The following DIAPH1 variants were observed in gnomAD, a reference collection of about 807,000 sequenced individuals.
The protein encoded by DIAPH1 is protein diaphanous homolog 1.
A neutral mutation model predicts 140.7 loss-of-function variants in DIAPH1; 46 were observed. The observed-to-expected ratio is 0.33, with a 90% CI of 0.26 to 0.42. The LOEUF is 0.42. Ranked by LOEUF, DIAPH1 falls within the 10% of genes least tolerant of loss-of-function variation. DIAPH1 has a pLI of 1.00. For missense variants in DIAPH1, 1,310 were observed against 1,558.7 expected, an observed-to-expected ratio of 0.84 and a Z score of 2.69; for synonymous variants, 565 against 551.6, an observed-to-expected ratio of 1.02 and a Z score of -0.34.
Position 141,573,495 on chromosome 5 carries a change from G to A in DIAPH1, c.2355C>T (p.Ser785=). Residue 785 remains serine, a synonymous_variant, in exon 16 of 28, where the codon TCC becomes TCT. Transcript: ENST00000389054. ...AGAAATAGACAGAAACTCTTACCTT[G>A]GACCAGTTTGGCCTCCGGAGCTGCA... ...PEVQLRRPNW[S]KLVAEDLSQD... 6.2e-7 allele frequency: 1 copy of A among 1,607,842 alleles called. No homozygotes were observed.
intron 18 of DIAPH1, among the ~76,000 whole-genome samples, chr5:141,570,731 GGAA>G (rs2099895062): frequency 6.6e-6 from 1 of 152,076 alleles, no homozygotes; most frequent in Admixed American, 6.5e-5. Context: ...CAAAAATGCT[GGAA>G]GAAGATAAAA....
intron 18 of DIAPH1, among the ~76,000 whole-genome samples, chr5:141,539,630 G>C (rs181675604): frequency 1.3e-5 from 2 of 152,056 alleles, no homozygotes; most frequent in East Asian, 3.9e-4. Context: ...GATCTATTCA[G>C]ATTGTTTATT....
chr5:141,519,081 A>G (rs1054181992), intron 27 of DIAPH1: 1 of 1,268,878 alleles, frequency 7.9e-7, no homozygotes. Context: ...TGTGCCCGAG[A>G]CTGTGGGATT....
At chr5:141,553,728 T>TA (rs1320321802) in intron 18 of DIAPH1, among the ~76,000 whole-genome samples, 2 of 152,052 alleles carry the variant, frequency 1.3e-5, no homozygotes, top group Admixed American at 6.5e-5. Context: ...AGTACCTATT[T>TA]AAAAAAATTA....
intron 3 of DIAPH1, among the ~76,000 whole-genome samples, chr5:141,584,602 G>C (rs2099897248): frequency 6.6e-6 from 1 of 152,116 alleles, no homozygotes; most frequent in South Asian, 2.1e-4. Context: ...CTAAACACAA[G>C]CAAAATCAAC....
chr5:141,516,363 G>A lies in DIAPH1; in HGVS notation c.*488C>T, dbSNP rs1484855208. 1 of 191,072 alleles carries A rather than the reference G, an allele frequency of 5.2e-6. No individual in the cohort carries two copies. Among genetic ancestry groups the A allele is most frequent in the Non-Finnish European group, 1.1e-5 (1 of 90,076 alleles). 11.8% of individuals were successfully genotyped at this position (191,072 alleles called of 1,614,324 possible). A position where few individuals can be genotyped will look rare whatever the true frequency, so the allele number is the denominator to read the frequency against. On this transcript the variant is annotated 3_prime_UTR_variant, in exon 28 of 28. Transcript: ENST00000389054. ...AATAAATAACCACAGCCAGGAGAGG[G>A]AAGAGCAGAGACAACAGCAATGAAA...
chr5:141,518,417 A>C (rs935752137), intron 27 of DIAPH1, among the ~76,000 whole-genome samples: 4 of 151,610 alleles, frequency 2.6e-5, no homozygotes, highest in Middle Eastern at 3.2e-3. Flanking sequence ...AGAGCCGAGC[A>C]CTCCTAAATA....
rs143790898 is a variant in DIAPH1 at position 141,574,818 on chromosome 5, C to T, written c.1641+149G>A. 4.1e-3 allele frequency: 3,392 copies of T among 826,596 alleles called. 25 individuals are homozygous for T. The highest frequency in any genetic ancestry group is 9.3e-3 in the Admixed American group (396 of 42,604). The allele number at this position is 826,596 out of a possible 1,614,324, so 51.2% of individuals were successfully genotyped here. A position where few individuals can be genotyped will look rare whatever the true frequency, so the allele number is the denominator to read the frequency against. ...ACTTACCCCCAACACAAACCAAAAA[C>T]CAGTATATTATTTTTAAAATATGCA... is the stretch of plus-strand genomic sequence containing the variant. On this transcript the variant is annotated intron_variant, in intron 15 of 27. Transcript: ENST00000389054.
chr5:141,524,018 G>T, intron 27 of DIAPH1, 125 bp downstream of exon 27: 1 of 864,876 alleles, frequency 1.2e-6, no homozygotes, highest in Non-Finnish European at 2.0e-6. Flanking sequence ...TAGATAATCC[G>T]TTCTGGATGC....
chr5:141,554,857 T>C (rs1004841193), intron 18 of DIAPH1, among the ~76,000 whole-genome samples: 4 of 152,182 alleles, frequency 2.6e-5, no homozygotes, highest in African/African-American at 9.6e-5. Context: ...TCAGAATAAA[T>C]AGTCTTAGCA....
At chr5:141,527,805 C>G (rs756402887) in intron 23 of DIAPH1, 108 bp from the exon 24 acceptor site, 12 of 1,309,194 alleles carry the variant, frequency 9.2e-6, no homozygotes, top group Non-Finnish European at 1.2e-5. Flanking sequence ...TAGCTTCAGT[C>G]TATACACACA....
rs1373486471 is a variant in DIAPH1, at chr5:141,528,771, A to T, written c.2949T>A (p.Val983=). 1.9e-6 allele frequency: 3 copies of T among 1,614,228 alleles called. No individual in the cohort carries two copies. Among genetic ancestry groups the T allele is most frequent in the Non-Finnish European group, 1.7e-6 (2 of 1,180,034 alleles). The stretch of plus-strand genomic sequence containing the variant: ...TGGAGCCAGCATTCATGTAATTTCC[A>T]ACAAGCAAGGTAATCTCTAGGAGAT... ...FSNLLEITLL[V]GNYMNAGSRN... Residue 983 remains valine (V), a synonymous_variant, in exon 22 of 28, where the codon GTT becomes GTA. Coordinates refer to ENST00000389054, the MANE Select transcript of DIAPH1 (RefSeq NM_005219.5).
At chr5:141,560,189 CTT>C (rs572605009) in intron 18 of DIAPH1, among the ~76,000 whole-genome samples, 2 of 152,156 alleles carry the variant, frequency 1.3e-5, no homozygotes, top group Non-Finnish European at 2.9e-5. Flanking sequence ...AAAATTCCCT[CTT>C]AATCTATATG....
chr5:141,598,619 T>C (rs2154597023), intron 1 of DIAPH1, among the ~76,000 whole-genome samples: 2 of 152,286 alleles, frequency 1.3e-5, no homozygotes, highest in East Asian at 1.9e-4. Flanking sequence ...CCTAATGTAA[T>C]ATGTGGTAAG....
chr5:141,523,778 C>T (rs1157858605), intron 27 of DIAPH1, among the ~76,000 whole-genome samples: 1 of 151,252 alleles, frequency 6.6e-6, no homozygotes. Context: ...CTTATTTTTT[C>T]TTTGAATTTC....
rs146865700 is a variant in DIAPH1, at chr5:141,605,191, C to T, written c.117+13607G>A. Among the ~76,000 whole-genome samples the T allele has an allele frequency of 4.9e-3, 749 of 152,094 alleles. 4 individuals are homozygous for T. Among genetic ancestry groups the T allele is most frequent in the African/African-American group, 0.017 (690 of 41,500 alleles). ...GAAAAAAACTATCACTTTTAGAATACACATACATTTCCATTTCAAATTAAG... is the reference window on the plus strand; with the variant it reads ...GAAAAAAACTATCACTTTTAGAATATACATACATTTCCATTTCAAATTAAG... On this transcript the variant is annotated intron_variant, in intron 1 of 27. Coordinates refer to ENST00000389054, the MANE Select transcript of DIAPH1 (RefSeq NM_005219.5).
rs2099896305 is a variant in DIAPH1 at position 141,578,681 on chromosome 5, C to T, written c.934-56G>A. On this transcript the variant is annotated intron_variant, in intron 9 of 27. Coordinates refer to ENST00000389054, the MANE Select transcript of DIAPH1 (RefSeq NM_005219.5). ...ATGCTAACTCCTGGAGATCAAGAAT[C>T]CATTTTCTTTACATGCATTCTTAGG... 3 of 1,363,230 alleles carry T rather than the reference C, an allele frequency of 2.2e-6. No individual in the cohort carries two copies. The South Asian group carries it at 3.5e-5, about 16-fold the overall frequency. 84.4% of individuals were successfully genotyped at this position (1,363,230 alleles called of 1,614,324 possible). A position where few individuals can be genotyped will look rare whatever the true frequency, so the allele number is the denominator to read the frequency against.
Position 141,528,936 on chromosome 5 carries a change from G to A in DIAPH1, c.2784C>T (p.Gly928=). 1.2e-6 allele frequency: 2 copies of A among 1,613,718 alleles called. No individual in the cohort carries two copies. The highest frequency in any genetic ancestry group is 1.7e-6 in the Non-Finnish European group (2 of 1,180,034). Residue 928 remains glycine (G), a synonymous_variant, in exon 22 of 28, where the codon GGC becomes GGT. Coordinates refer to ENST00000389054, the MANE Select transcript of DIAPH1 (RefSeq NM_005219.5). ...AESEQFGVVM[G]TVPRLRPRLN... ...GGCGAGGCCGCAGTCGGGGCACAGT[G>A]CCCATCTAGTAAAGAACACAAGCAG...
At chr5:141,537,683 A>G (rs1392938180) in intron 18 of DIAPH1, among the ~76,000 whole-genome samples, 1 of 152,080 alleles carries the variant, frequency 6.6e-6, no homozygotes, top group Non-Finnish European at 1.5e-5. Context: ...TACTTAAGAC[A>G]GTTATATTTA....
Sources: allele counts gnomAD v4.1 joint callset (sites outside exome capture counted in the v4.1 genomes callset), GRCh38; gene constraint gnomAD v4.1.1; transcripts MANE v1.5; gene names NCBI Gene and HGNC (gene_info 2026-07-23, HGNC 2026-07-21).